The following CTCF variants were observed in gnomAD, a reference collection of about 807,000 sequenced individuals.
The protein encoded by CTCF is CCCTC-binding factor, also known as transcriptional repressor CTCF.
Under a neutral mutation model 72.3 loss-of-function variants are expected in CTCF, and 7 were observed. The ratio of observed to expected loss-of-function variants is 0.10; its 90% CI spans 0.06 to 0.18. CTCF has a LOEUF of 0.18. Among genes scored for constraint, CTCF ranks in the 10% least tolerant of loss-of-function variants. The pLI, the probability that CTCF is intolerant of heterozygous loss-of-function variation, is 1.00. For missense variants in CTCF, 516 were observed against 949.1 expected, an observed-to-expected ratio of 0.54 and a Z score of 6.00; for synonymous variants, 374 against 315.8, an observed-to-expected ratio of 1.18 and a Z score of -1.95.
chr16:67,632,227 ACT>A (rs753483936), intron 10 of CTCF, among the ~76,000 whole-genome samples: 1 of 151,998 alleles, frequency 6.6e-6, no homozygotes, highest in Non-Finnish European at 1.5e-5. Flanking sequence ...CTGCTGCCAG[ACT>A]CTGTCCTATG....
rs562877306 is a variant in CTCF, at chr16:67,582,700, T to A, written c.-10+11436T>A. Among the ~76,000 whole-genome samples, 8 of 152,018 alleles carry A rather than the reference T, an allele frequency of 5.3e-5. No individual in the cohort carries two copies. The East Asian group carries it at 1.5e-3, about 29-fold the overall frequency. On this transcript the variant is annotated intron_variant, in intron 2 of 11. Coordinates refer to ENST00000264010, the MANE Select transcript of CTCF (RefSeq NM_006565.4). ...AGAGTGAGACTCTGTGTCAAAAAAA[T>A]AAATTAAATAAAATATGAACATTGA...
At chr16:67,573,306 G>A (rs965376036) in intron 2 of CTCF, among the ~76,000 whole-genome samples, 20 of 151,904 alleles carry the variant, frequency 1.3e-4, no homozygotes, top group Non-Finnish European at 2.5e-4. Context: ...GTGCGTGCCT[G>A]TAATCCCAAC....
rs2051306839 is a variant in CTCF at position 67,563,544 on chromosome 16, C to G, written c.-127+820C>G. On this transcript the variant is annotated intron_variant, in intron 1 of 11. Coordinates refer to ENST00000264010, the MANE Select transcript of CTCF (RefSeq NM_006565.4). The stretch of plus-strand genomic sequence containing the variant: ...CCCGCTGCGCCCCCAAACTCGCGCC[C>G]GGGTTCCTGGCCGGACCCGACCGGT... 4 of 152,228 alleles carry G rather than the reference C, an allele frequency of 2.6e-5. No homozygotes were observed. In the South Asian group the frequency reaches 8.3e-4, roughly 31 times the overall value. 9.4% of individuals were successfully genotyped at this position (152,228 alleles called of 1,614,324 possible).
chr16:67,603,119 C>T (rs144753708), intron 2 of CTCF, among the ~76,000 whole-genome samples: 54 of 151,842 alleles, frequency 3.6e-4, no homozygotes, highest in Non-Finnish European at 4.4e-4. Flanking sequence ...TAGCTGGGCA[C>T]GACGGCACAT....
At chr16:67,584,050 C>T (rs1407719844) in intron 2 of CTCF, among the ~76,000 whole-genome samples, 1 of 152,086 alleles carries the variant, frequency 6.6e-6, no homozygotes, top group Non-Finnish European at 1.5e-5. Context: ...TGCTTGTGTG[C>T]AGCCTCACTG....
intron 10 of CTCF, among the ~76,000 whole-genome samples, chr16:67,631,910 C>CA (rs993935726): frequency 7.3e-5 from 11 of 151,112 alleles, no homozygotes; most frequent in African/African-American, 2.4e-5. Context: ...CTGTTATCTA[C>CA]AAAAAAATAC....
At chr16:67,636,983 T>A in intron 11 of CTCF, 132 bp downstream of exon 11, 1 of 804,632 alleles carries the variant, frequency 1.2e-6, no homozygotes, top group Admixed American at 3.2e-5. Flanking sequence ...GAGAACAAAC[T>A]CTCAGGAAAT....
intron 7 of CTCF, among the ~76,000 whole-genome samples, chr16:67,625,727 C>T (rs2052274695): frequency 6.6e-6 from 1 of 152,056 alleles, no homozygotes; most frequent in African/African-American, 2.4e-5. Context: ...CCTTGCCATC[C>T]CACCCCTGCT....
chr16:67,607,168 G>A (rs2051985196), intron 2 of CTCF, among the ~76,000 whole-genome samples: 2 of 151,806 alleles, frequency 1.3e-5, no homozygotes, highest in African/African-American at 4.8e-5. Flanking sequence ...TGTTGGCCAG[G>A]CTTGTCTCCA....
At chr16:67,619,860 A>G (rs901645239) in intron 5 of CTCF, among the ~76,000 whole-genome samples, 8 of 152,208 alleles carry the variant, frequency 5.3e-5, no homozygotes, top group African/African-American at 1.7e-4. Flanking sequence ...CTGGGACTAC[A>G]GGTGTGAGCC....
intron 1 of CTCF, among the ~76,000 whole-genome samples, chr16:67,562,983 CGGCAGA>C (rs2051297404): frequency 7.2e-6 from 1 of 139,246 alleles, no homozygotes; most frequent in African/African-American, 2.6e-5. Flanking sequence ...CCTCGGGCGG[CGGCAGA>C]GGCAGAGGCC....
chr16:67,584,352 T>C (rs1210927768), intron 2 of CTCF, among the ~76,000 whole-genome samples: 2 of 147,180 alleles, frequency 1.4e-5, no homozygotes, highest in Non-Finnish European at 3.0e-5. Context: ...TTTTTTTTTT[T>C]TTTTTTGAGA....
intron 2 of CTCF, among the ~76,000 whole-genome samples, chr16:67,594,179 G>A (rs1441458243): frequency 6.6e-6 from 1 of 151,958 alleles, no homozygotes; most frequent in African/African-American, 2.4e-5. Flanking sequence ...GAGGCCACTT[G>A]AGCTTAGGAG....
intron 7 of CTCF, among the ~76,000 whole-genome samples, chr16:67,623,772 G>A (rs190124728): frequency 1.4e-4 from 21 of 149,650 alleles, no homozygotes; most frequent in South Asian, 6.4e-4. Flanking sequence ...AAATATAGCC[G>A]GGCACGGTGG....
intron 4 of CTCF, 143 bp downstream of exon 4, chr16:67,612,264 G>T (rs943480135): frequency 1.3e-5 from 9 of 698,686 alleles, no homozygotes; most frequent in African/African-American, 7.3e-5. Flanking sequence ...TGATTTTATT[G>T]TAAGCACTTG....
At chr16:67,631,778 G>A (rs938589807) in intron 10 of CTCF, among the ~76,000 whole-genome samples, 1 of 140,252 alleles carries the variant, frequency 7.1e-6, no homozygotes, top group Non-Finnish European at 1.5e-5. Flanking sequence ...CCTCCTTTAA[G>A]ATGTCAATTT....
chr16:67,629,705 ATATTTTC>A (rs2052336951), intron 10 of CTCF, among the ~76,000 whole-genome samples, 172 bp downstream of exon 10: 1 of 105,940 alleles, frequency 9.4e-6, no homozygotes, highest in Non-Finnish European at 1.9e-5. Context: ...TTTCTGGGGC[ATATTTTC>A]TTTTTTCTTC....
chr16:67,592,908 T>C (rs966194822), intron 2 of CTCF, among the ~76,000 whole-genome samples: 1 of 150,664 alleles, frequency 6.6e-6, no homozygotes, highest in Non-Finnish European at 1.5e-5. Flanking sequence ...GTGCCTGTAG[T>C]CCCAGCTACT....
At position 67,603,532 on chromosome 16, in the gene CTCF, C is replaced by CA. The variant is rs765015139; in HGVS notation, c.-9-7282dup. On this transcript the variant is annotated intron_variant, in intron 2 of 11. Transcript: ENST00000264010. ...TGGGCGACAGAGGGAGACTCCCTCT[C>CA]AAAAAAAAAAGGCTGGGTGTGGTGG... Among the ~76,000 whole-genome samples the CA allele has an allele frequency of 1.3e-3, 177 of 133,578 alleles. 1 individual carries two copies. The highest frequency in any genetic ancestry group is 2.2e-3 in the Non-Finnish European group (134 of 61,994). 87.6% of individuals were successfully genotyped at this position (133,578 alleles called of 152,430 possible).
Sources: gnomAD v4.1 joint callset for allele counts (sites outside exome capture counted in the v4.1 genomes callset) on GRCh38, gnomAD v4.1.1 for gene constraint, MANE v1.5 for transcripts, NCBI Gene and HGNC (gene_info 2026-07-23, HGNC 2026-07-21) for gene names.